ST3GAL4: variants seen among roughly 807,000 people sequenced by gnomAD.
ST3GAL4 encodes ST3 beta-galactoside alpha-2,3-sialyltransferase 4.
A neutral mutation model predicts 42.6 loss-of-function variants in ST3GAL4; 24 were observed. The ratio of observed to expected loss-of-function variants is 0.56; its 90% CI spans 0.41 to 0.79. ST3GAL4 has a LOEUF of 0.79. ST3GAL4 is among the 30% of genes least tolerant of loss of function. The probability of loss-of-function intolerance (pLI) is 0.00; values close to 1 mark genes in which losing one functional copy is unlikely to be tolerated. For missense variants in ST3GAL4, 311 were observed against 430.8 expected (o/e 0.72, Z 2.46); for synonymous variants, 135 against 163.2 (o/e 0.83, Z 1.32).
At position 126,359,519 on chromosome 11, in the gene ST3GAL4, T is replaced by C. The variant is rs144569032; in HGVS notation, c.-61+3677T>C. ...CAGTTCTCAACTGCCCCCTGGAGTT[T>C]GCTCATTTTGCCCCATGAAGAAACA... On this transcript the variant is annotated intron_variant, in intron 1 of 10. Coordinates refer to ENST00000444328, the MANE Select transcript of ST3GAL4 (RefSeq NM_001254757.2). The surrounding 1 kb of genome is among the most constrained non-coding windows in gnomAD (Gnocchi z 4.8). 3.8e-3 allele frequency among the ~76,000 whole-genome samples: 586 copies of C among 152,316 alleles called. 8 individuals carry two copies. The highest frequency in any genetic ancestry group is 0.036 in the South Asian group (173 of 4,828).
Position 126,413,622 on chromosome 11 carries a change from G to A in ST3GAL4, c.889G>A (p.Glu297Lys). 6.2e-7 allele frequency: 1 copy of A among 1,614,266 alleles called. No individual in the cohort carries two copies. The change falls in exon 10 of 11, where the codon GAG becomes AAG. Residue 297 changes from glutamate (E) to lysine (K), a missense_variant. By Grantham distance (56) the Glu-to-Lys change is moderately conservative (BLOSUM62 1). Coordinates refer to ENST00000444328, the MANE Select transcript of ST3GAL4 (RefSeq NM_001254757.2). ...CAAGAAGCAGACCATTCACTACTAT[G>A]AGCAGATCACGCTCAAGTCCATGGC... ...YNKKQTIHYYEQITLKSMAGS... is the reference protein window; with the variant it reads ...YNKKQTIHYYKQITLKSMAGS...
chr11:126,408,645 G>T, intron 8 of ST3GAL4, 149 bp downstream of exon 8: 2 of 933,738 alleles, frequency 2.1e-6, no homozygotes, highest in East Asian at 5.3e-5. Context: ...AGCGCCTTAG[G>T]CTGCCCTCCA....
intron 1 of ST3GAL4, among the ~76,000 whole-genome samples, chr11:126,402,892 C>T (rs1022745289): frequency 6.6e-5 from 10 of 152,212 alleles, no homozygotes; most frequent in African/African-American, 2.2e-4. Context: ...GTCTTCCTAC[C>T]CGGGGGCACC....
chr11:126,360,793 C>T (rs778353046), intron 1 of ST3GAL4, among the ~76,000 whole-genome samples: 4 of 152,200 alleles, frequency 2.6e-5, no homozygotes. Context: ...AATAAGCACT[C>T]AATAGATTCT....
chr11:126,369,256 T>G (rs74474818), intron 1 of ST3GAL4, among the ~76,000 whole-genome samples: 9 of 150,634 alleles, frequency 6.0e-5, no homozygotes, highest in Admixed American at 2.0e-4. Context: ...CTCTTTTTTT[T>G]GGGGGGGGGA....
At chr11:126,377,154 G>T (rs1952853035) in intron 1 of ST3GAL4, among the ~76,000 whole-genome samples, 1 of 152,034 alleles carries the variant, frequency 6.6e-6, no homozygotes, top group African/African-American at 2.4e-5. Flanking sequence ...GGTAATACCT[G>T]ATTTGTTAAC....
At position 126,406,393 on chromosome 11, in the gene ST3GAL4, GA is replaced by G. The variant is rs1489858123; in HGVS notation, c.17-78del. The stretch of plus-strand genomic sequence containing the variant: ...TTGAGTTAGGGGTCGGAGGGACTCA[GA>G]AGGGGGCAGGTGGGAAGGTGGACGG... On this transcript the variant is annotated intron_variant, in intron 2 of 10. Coordinates refer to ENST00000444328, the MANE Select transcript of ST3GAL4 (RefSeq NM_001254757.2). The surrounding 1 kb of genome is among the most constrained non-coding windows in gnomAD (Gnocchi z 5.4). 37 of 1,608,128 alleles carry G rather than the reference GA, an allele frequency of 2.3e-5. No individual in the cohort carries two copies. Among genetic ancestry groups the G allele is most frequent in the Non-Finnish European group, 3.1e-5 (37 of 1,177,532 alleles).
chr11:126,409,181 C>T lies in ST3GAL4; in HGVS notation c.628-87C>T. On this transcript the variant is annotated intron_variant, in intron 8 of 10. Transcript: ENST00000444328. This position sits in a 1 kb window ranked among gnomAD's most constrained non-coding sequence, Gnocchi z 4.9. ...AAGGCCTCTGCCATCGCTTGGACCC[C>T]CTCGCCTCGCTGAGGACCACTGGGT... 6.4e-7 allele frequency: 1 copy of T among 1,554,832 alleles called. No individual in the cohort carries two copies. Among genetic ancestry groups the T allele is most frequent in the East Asian group, 2.3e-5 (1 of 44,256 alleles).
rs550567844 is a variant in ST3GAL4, at chr11:126,406,721, G to T, written c.101+164G>T. The T allele has an allele frequency of 1.1e-4, 117 of 1,020,150 alleles. 2 individuals carry two copies. The South Asian group carries it at 1.3e-3, about 12-fold the overall frequency. 63.2% of individuals were successfully genotyped at this position (1,020,150 alleles called of 1,614,324 possible). The stretch of plus-strand genomic sequence containing the variant: ...ACGGAGTGTTTCCATGAGGGTGGGT[G>T]GGGGTAGGGCCTGGGATGTCTCACT... On this transcript the variant is annotated intron_variant, in intron 3 of 10. Transcript: ENST00000444328. The surrounding 1 kb of genome is among the most constrained non-coding windows in gnomAD (Gnocchi z 5.4).
chr11:126,387,040 A>G (rs1953252435), intron 1 of ST3GAL4, among the ~76,000 whole-genome samples: 2 of 152,146 alleles, frequency 1.3e-5, no homozygotes, highest in Admixed American at 1.3e-4. Flanking sequence ...GTGCTCTGCC[A>G]CTGCTGTTTC....
At chr11:126,408,280 G>T in intron 7 of ST3GAL4, 27 bp from the exon 8 acceptor site, 2 of 1,613,110 alleles carry the variant, frequency 1.2e-6, no homozygotes, top group Non-Finnish European at 1.7e-6. Flanking sequence ...GGCCTCTAGT[G>T]ATGGGAATCC....
intron 1 of ST3GAL4, among the ~76,000 whole-genome samples, chr11:126,361,736 G>A (rs1952251433): frequency 6.6e-6 from 1 of 152,112 alleles, no homozygotes; most frequent in Non-Finnish European, 1.5e-5. Flanking sequence ...TCTGGGGGTA[G>A]TGCCTGAGGT....
At chr11:126,358,647 G>A (rs1952153533) in intron 1 of ST3GAL4, 1 of 282,658 alleles carries the variant, frequency 3.5e-6, no homozygotes, top group East Asian at 1.3e-4. Flanking sequence ...GAGCCCTGCA[G>A]GGGCTGAATT....
chr11:126,411,821 A>G lies in ST3GAL4; in HGVS notation c.772-1684A>G, dbSNP rs1347737190. 1.3e-5 allele frequency among the ~76,000 whole-genome samples: 2 copies of G among 152,000 alleles called. No individual in the cohort carries two copies. Among genetic ancestry groups the G allele is most frequent in the Non-Finnish European group, 2.9e-5 (2 of 68,012 alleles). ...ACAATAGATCCTTTCTGTGCTTCAA[A>G]TCTCTGACCTCCGTTTCTGATCTTG... On this transcript the variant is annotated intron_variant, in intron 9 of 10. Transcript: ENST00000444328. This position sits in a 1 kb window ranked among gnomAD's most constrained non-coding sequence, Gnocchi z 6.3.
At position 126,407,337 on chromosome 11, in the gene ST3GAL4, A is replaced by G; in HGVS notation, c.268A>G (p.Thr90Ala). Residue 90 changes from threonine to alanine, a missense_variant, in exon 5 of 11, where the codon ACC becomes GCC. Transcript: ENST00000444328. ...ATCTGCTTACGAGCTGCCCTATGGGACCAAGGGGAGTGGTAAGTTCCTACC... is the reference window on the plus strand; with the variant it reads ...ATCTGCTTACGAGCTGCCCTATGGGGCCAAGGGGAGTGGTAAGTTCCTACC... ...TPSAYELPYG[T>A]KGSEDLLLRV... 6.2e-7 allele frequency: 1 copy of G among 1,614,098 alleles called. No homozygotes were observed. Among genetic ancestry groups the G allele is most frequent in the Non-Finnish European group, 8.5e-7 (1 of 1,179,988 alleles).
intron 1 of ST3GAL4, chr11:126,358,465 C>T (rs753929856): frequency 9.9e-5 from 45 of 455,156 alleles, no homozygotes; most frequent in South Asian, 6.8e-4. Flanking sequence ...ACTGGCTGTC[C>T]CTGGCCTCAG....
rs1030679510 is a variant in ST3GAL4 at position 126,407,451 on chromosome 11, C to G, written c.280+102C>G. The G allele has an allele frequency of 5.1e-6, 8 of 1,560,358 alleles. No individual in the cohort carries two copies. The African/African-American group carries it at 9.5e-5, about 18-fold the overall frequency. On this transcript the variant is annotated intron_variant, in intron 5 of 10. Coordinates refer to ENST00000444328, the MANE Select transcript of ST3GAL4 (RefSeq NM_001254757.2). ...CCCAGTGCCCAAGTTCTGAGCCTGA[C>G]TCGGGTACCAGGGTCAGGGGAAGAA... is the stretch of plus-strand genomic sequence containing the variant.
rs1306179677 is a variant in ST3GAL4, at chr11:126,384,744, C to T, written c.-60-21352C>T. ...CCCAGCAGCATCTCCTGAGGCTGGG[C>T]CATGGGTGAATCTGAGTCGAGGGCA... On this transcript the variant is annotated intron_variant, in intron 1 of 10. Coordinates refer to ENST00000444328, the MANE Select transcript of ST3GAL4 (RefSeq NM_001254757.2). The surrounding 1 kb of genome is among the most constrained non-coding windows in gnomAD (Gnocchi z 5.5). 1 of 985,418 alleles carries T rather than the reference C, an allele frequency of 1.0e-6. No individual in the cohort carries two copies. Among genetic ancestry groups the T allele is most frequent in the Non-Finnish European group, 1.2e-6 (1 of 829,936 alleles). The allele number at this position is 985,418 out of a possible 1,614,324, so 61.0% of individuals were successfully genotyped here. A position where few individuals can be genotyped will look rare whatever the true frequency, so the allele number is the denominator to read the frequency against.
At chr11:126,375,715 C>A (rs1952811812) in intron 1 of ST3GAL4, among the ~76,000 whole-genome samples, 1 of 152,128 alleles carries the variant, frequency 6.6e-6, no homozygotes, top group Non-Finnish European at 1.5e-5. Context: ...TCTGTCACAC[C>A]TGGGGAGTGG....
Sources: gnomAD v4.1 joint callset for allele counts (sites outside exome capture counted in the v4.1 genomes callset) on GRCh38, gnomAD v4.1.1 for gene constraint, Gnocchi (gnomAD v3.1) non-coding constraint, MANE v1.5 for transcripts, NCBI Gene and HGNC (gene_info 2026-07-23, HGNC 2026-07-21) for gene names.